The following IRX4 variants were observed in gnomAD, a reference collection of about 807,000 sequenced individuals.
The protein encoded by IRX4 is iroquois-class homeodomain protein IRX-4.
In IRX4, 22 loss-of-function variants were observed where a neutral mutation model predicts 32.0. The ratio of observed to expected loss-of-function variants is 0.69; its 90% CI spans 0.49 to 0.98. The LOEUF (loss-of-function observed/expected upper bound fraction) is 0.98. Among genes scored for constraint, IRX4 ranks in the 50% least tolerant of loss-of-function variants. The probability of loss-of-function intolerance (pLI) is 0.00; values close to 1 mark genes in which losing one functional copy is unlikely to be tolerated. For missense variants in IRX4, 840 were observed against 744.2 expected, an observed-to-expected ratio of 1.13 and a Z score of -1.50; for synonymous variants, 379 against 351.7, an observed-to-expected ratio of 1.08 and a Z score of -0.87.
intron 1 of IRX4, 39 bp from the exon 2 acceptor site, chr5:1,882,098 C>A: frequency 6.5e-7 from 1 of 1,534,734 alleles, no homozygotes. Flanking sequence ...GGAAGCCGGG[C>A]TGGAGGCTGG....
At chr5:1,886,444 C>T (rs1735633142), upstream of IRX4, among the ~76,000 whole-genome samples, 1 of 152,244 alleles carries the variant, frequency 6.6e-6, no homozygotes. Context: ...GCCTCACGGT[C>T]GCTGACGCCG....
Position 1,877,998 on chromosome 5 carries a change from T to C in IRX4, c.1531A>G (p.Lys511Glu). 1 of 1,506,272 alleles carries C rather than the reference T, an allele frequency of 6.6e-7. No individual in the cohort carries two copies. The highest frequency in any genetic ancestry group is 8.8e-7 in the Non-Finnish European group (1 of 1,133,280). The allele number at this position is 1,506,272 out of a possible 1,614,324, so 93.3% of individuals were successfully genotyped here. The stretch of plus-strand genomic sequence containing the variant: ...GCGCAGAAGGGTTTGCCGCCGGCCT[T>C]GGGCAGGGCGAGCAGCTCCCTGGCG... ...GAARELLALP[K>E]AGGKPFCA Residue 511 changes from lysine to glutamate, a missense_variant, in exon 5 of 5, where the codon AAG (lysine) becomes GAG (glutamate). By Grantham distance (56) the Lys-to-Glu change is moderately conservative (BLOSUM62 1). Coordinates refer to ENST00000231357, the MANE Select transcript of IRX4 (RefSeq NM_016358.3).
At chr5:1,885,793 A>AGGCCAAGCCTG (rs1735610199), upstream of IRX4, among the ~76,000 whole-genome samples, 1 of 152,262 alleles carries the variant, frequency 6.6e-6, no homozygotes, top group Admixed American at 6.5e-5. Context: ...CTTCACCAAA[A>AGGCCAAGCCTG]GGCCAAGCCT....
At position 1,878,754 on chromosome 5, in the gene IRX4, C is replaced by G; in HGVS notation, c.775G>C (p.Asp259His). 1 of 1,613,290 alleles carries G rather than the reference C, an allele frequency of 6.2e-7. No homozygotes were observed. ...GKEEKELELS[D>H]LDDFDPLEAE... The stretch of plus-strand genomic sequence containing the variant: ...TCCAGCGGGTCGAAGTCGTCCAAGT[C>G]ACTAAGCTCCAGCTCCTTCTCCTCT... Residue 259 changes from aspartate to histidine, a missense_variant, in exon 5 of 5, where the codon GAC becomes CAC. By Grantham distance (81) the Asp-to-His change is moderately conservative. Around this residue, in one of 3 missense-constraint regions of IRX4, gnomAD observed 585 missense variants for 488.0 expected, o/e 1.20. Transcript: ENST00000231357.
chr5:1,884,506 T>C (rs1735566183), upstream of IRX4: 1 of 152,248 alleles, frequency 6.6e-6, no homozygotes, highest in Non-Finnish European at 1.5e-5. Context: ...TCCGATCGCG[T>C]TGGACCGGAG....
rs780544153 is a variant in IRX4 at position 1,878,340 on chromosome 5, G to C, written c.1189C>G (p.Arg397Gly). The C allele has an allele frequency of 2.7e-5, 41 of 1,546,446 alleles. No homozygotes were observed. In the Admixed American group the frequency reaches 7.8e-4, roughly 29 times the overall value. ...QTEFPSCMLKRQGPAAPAAVS... is the reference protein window; with the variant it reads ...QTEFPSCMLKGQGPAAPAAVS... ...GCCGCAGGGGCCGCGGGACCTTGGCGCTTGAGCATGCACGACGGAAACTCA... is the reference window on the plus strand; with the variant it reads ...GCCGCAGGGGCCGCGGGACCTTGGCCCTTGAGCATGCACGACGGAAACTCA... The change falls in exon 5 of 5, where the codon CGC becomes GGC. Residue 397 changes from arginine (R) to glycine (G), a missense_variant. By Grantham distance (125) the Arg-to-Gly change is moderately radical (BLOSUM62 -2). This residue lies in a region of IRX4 where 585 missense variants were observed against 488.0 expected (regional missense o/e 1.20). Coordinates refer to ENST00000231357, the MANE Select transcript of IRX4 (RefSeq NM_016358.3).
intron 4 of IRX4, 114 bp downstream of exon 4, chr5:1,879,390 C>A: frequency 6.6e-7 from 1 of 1,519,678 alleles, no homozygotes. Context: ...TGCACGGTGA[C>A]CGCCTAGGCA....
chr5:1,879,930 G>A, intron 3 of IRX4, 98 bp from the exon 4 acceptor site: 2 of 1,553,042 alleles, frequency 1.3e-6, no homozygotes, highest in African/African-American at 2.7e-5. Flanking sequence ...GCCAGGATGG[G>A]CTTTGCTTCC....
Position 1,877,756 on chromosome 5 carries a change from G to T in IRX4, c.*213C>A. The T allele has an allele frequency of 1.9e-6, 1 of 535,504 alleles. No homozygotes were observed. Among genetic ancestry groups the T allele is most frequent in the Non-Finnish European group, 3.2e-6 (1 of 309,930 alleles). 33.2% of individuals were successfully genotyped at this position (535,504 alleles called of 1,614,324 possible). A position where few individuals can be genotyped will look rare whatever the true frequency, so the allele number is the denominator to read the frequency against. On this transcript the variant is annotated 3_prime_UTR_variant, in exon 5 of 5. Coordinates refer to ENST00000231357, the MANE Select transcript of IRX4 (RefSeq NM_016358.3). ...CCTTCCGCGTCCCAAATTTGGGAAT[G>T]GCCCGGTCAGGCTCAGGCCCAGGCG...
Position 1,878,614 on chromosome 5 carries a change from C to T in IRX4, c.915G>A (p.Arg305=). The T allele has an allele frequency of 6.4e-7, 1 of 1,566,376 alleles. No individual in the cohort carries two copies. The highest frequency in any genetic ancestry group is 8.6e-7 in the Non-Finnish European group (1 of 1,156,692). Residue 305 remains arginine (R), a synonymous_variant, in exon 5 of 5, where the codon CGG becomes CGA. Transcript: ENST00000231357. ...GPVKEASGAL[R]MSLAAGGGAA... ...CTCCGCCACCCGCGGCCAGAGACAT[C>T]CGGAGCGCGCCTGAGGCCTCCTTGA...
At chr5:1,879,463 A>C (rs369987012) in intron 4 of IRX4, 41 bp downstream of exon 4, 1 of 1,612,104 alleles carries the variant, frequency 6.2e-7, no homozygotes, top group Non-Finnish European at 8.5e-7. Flanking sequence ...CTGTGCCTGC[A>C]CTCCAGGGCC....
At position 1,880,899 on chromosome 5, in the gene IRX4, TAGGAGCCCCCCACTCCCAA is replaced by T. The variant is rs975773162; in HGVS notation, c.298-84_298-66del. ...GGCAACCCCACTCCAGCCTCTCTCCTAGGAGCCCCCCACTCCCAAAGGCTTGGCAAGGATTCCTGGGCAG... is the reference window on the plus strand; with the variant it reads ...GGCAACCCCACTCCAGCCTCTCTCCTAGGCTTGGCAAGGATTCCTGGGCAG... On this transcript the variant is annotated intron_variant, in intron 2 of 4. Coordinates refer to ENST00000231357, the MANE Select transcript of IRX4 (RefSeq NM_016358.3). 5.5e-5 allele frequency: 68 copies of T among 1,225,840 alleles called. No homozygotes were observed. The Admixed American group carries it at 1.1e-3, about 20-fold the overall frequency. The allele number at this position is 1,225,840 out of a possible 1,614,324, so 75.9% of individuals were successfully genotyped here. A position where few individuals can be genotyped will look rare whatever the true frequency, so the allele number is the denominator to read the frequency against.
At chr5:1,879,377 G>A in intron 4 of IRX4, 127 bp downstream of exon 4, 1 of 1,473,058 alleles carries the variant, frequency 6.8e-7, no homozygotes. Context: ...GGCAGAACCG[G>A]TTTGCACGGT....
intron 4 of IRX4, among the ~76,000 whole-genome samples, 199 bp downstream of exon 4, chr5:1,879,305 G>T (rs748401189): frequency 2.0e-5 from 3 of 152,162 alleles, no homozygotes; most frequent in Non-Finnish European, 4.4e-5. Context: ...ATTTTTATAC[G>T]TGATTTGAGT....
At position 1,879,838 on chromosome 5, in the gene IRX4, G is replaced by A. The variant is rs1434646148; in HGVS notation, c.408-6C>T. 6.2e-7 allele frequency: 1 copy of A among 1,613,480 alleles called. No individual in the cohort carries two copies. The highest frequency in any genetic ancestry group is 1.3e-5 in the African/African-American group (1 of 74,952). ...CGCTGTCCATGGTTCCATACCTGGA[G>A]ACAGGCTCTGCAATGGGCTCAGGCT... is the stretch of plus-strand genomic sequence containing the variant. On this transcript the variant is annotated splice_polypyrimidine_tract_variant and splice_region_variant and intron_variant, in intron 3 of 4. Transcript: ENST00000231357.
At position 1,878,559 on chromosome 5, in the gene IRX4, G is replaced by C. The variant is rs1469668263; in HGVS notation, c.970C>G (p.Arg324Gly). 7.1e-6 allele frequency: 11 copies of C among 1,540,658 alleles called. No homozygotes were observed. Among genetic ancestry groups the C allele is most frequent in the South Asian group, 1.2e-5 (1 of 83,654 alleles). The part of the protein sequence containing the change: ...AALDEDLERA[R>G]SCLRSAAAGP... ...GCCGCCGCGCTGCGGAGACAGCTCCGGGCCCTCTCCAGGTCCTCGTCCAGA... is the reference window on the plus strand; with the variant it reads ...GCCGCCGCGCTGCGGAGACAGCTCCCGGCCCTCTCCAGGTCCTCGTCCAGA... Residue 324 changes from arginine to glycine, a missense_variant, in exon 5 of 5, where the codon CGG (arginine) becomes GGG (glycine). By Grantham distance (125) the Arg-to-Gly change is moderately radical. Around this residue, in one of 3 missense-constraint regions of IRX4, gnomAD observed 585 missense variants for 488.0 expected, o/e 1.20. Coordinates refer to ENST00000231357, the MANE Select transcript of IRX4 (RefSeq NM_016358.3).
chr5:1,878,599 C>T lies in IRX4; in HGVS notation c.930G>A (p.Ala310=). The change falls in exon 5 of 5, where the codon GCG becomes GCA. Residue 310 remains alanine, a synonymous_variant. Transcript: ENST00000231357. The part of the protein sequence containing the change: ...ASGALRMSLA[A]GGGAALDEDL... ...CCTCGTCCAGAGCAGCTCCGCCACC[C>T]GCGGCCAGAGACATCCGGAGCGCGC... 1.3e-6 allele frequency: 2 copies of T among 1,557,178 alleles called. No individual in the cohort carries two copies. Among genetic ancestry groups the T allele is most frequent in the Non-Finnish European group, 1.7e-6 (2 of 1,151,666 alleles).
Position 1,879,534 on chromosome 5 carries a change from C to G in IRX4, c.706G>C (p.Glu236Gln). The change falls in exon 4 of 5, where the codon GAG becomes CAG. Residue 236 changes from glutamate to glutamine, a missense_variant. By Grantham distance (29) the Glu-to-Gln change is conservative (BLOSUM62 2). Around this residue, in one of 3 missense-constraint regions of IRX4, gnomAD observed 585 missense variants for 488.0 expected, o/e 1.20. Transcript: ENST00000231357. ...EEEGGEEEAR[E>Q]EPLKSSKNAE... ...TTCTTGGAGCTCTTGAGGGGCTCCT[C>G]CCGCGCCTCCTCCTCGCCCCCCTCC... 1 of 1,613,418 alleles carries G rather than the reference C, an allele frequency of 6.2e-7. No individual in the cohort carries two copies. The highest frequency in any genetic ancestry group is 8.5e-7 in the Non-Finnish European group (1 of 1,180,026).
At position 1,878,739 on chromosome 5, in the gene IRX4, C is replaced by T. The variant is rs1422063349; in HGVS notation, c.790G>A (p.Asp264Asn). ...GCCGGCGGCTCTGCTTCCAGCGGGT[C>T]GAAGTCGTCCAAGTCACTAAGCTCC... is the stretch of plus-strand genomic sequence containing the variant. ...ELELSDLDDF[D>N]PLEAEPPACE... The change falls in exon 5 of 5, where the codon GAC becomes AAC. Residue 264 changes from aspartate (D) to asparagine (N), a missense_variant. Transcript: ENST00000231357. 2 of 1,613,074 alleles carry T rather than the reference C, an allele frequency of 1.2e-6. No individual in the cohort carries two copies. The highest frequency in any genetic ancestry group is 2.7e-5 in the African/African-American group (2 of 75,056).
Sources: gnomAD v4.1 joint callset for allele counts (sites outside exome capture counted in the v4.1 genomes callset) on GRCh38, gnomAD v4.1.1 for gene constraint, gnomAD v4.1.1 regional missense constraint, MANE v1.5 for transcripts, NCBI Gene and HGNC (gene_info 2026-07-23, HGNC 2026-07-21) for gene names.